The following KRT9 variants were observed in gnomAD, a reference collection of about 807,000 sequenced individuals.
KRT9 encodes the protein keratin 9.
Under a neutral mutation model 51.4 loss-of-function variants are expected in KRT9, and 34 were observed. The observed-to-expected ratio is 0.66, with a 90% CI of 0.50 to 0.88. The LOEUF (loss-of-function observed/expected upper bound fraction) is 0.88. KRT9 is among the 40% of genes least tolerant of loss of function. The pLI is 0.00. For synonymous variants in KRT9, 292 were observed against 289.7 expected (o/e 1.01, Z -0.08); for missense variants, 753 against 790.3 (o/e 0.95, Z 0.57).
At chr17:41,566,455 A>G (rs973563505) in intron 7 of KRT9, among the ~76,000 whole-genome samples, 1 of 152,240 alleles carries the variant, frequency 6.6e-6, no homozygotes, top group East Asian at 1.9e-4. Context: ...GAGGCAAAAG[A>G]TGGCCCCAGC....
intron 1 of KRT9, 151 bp from the exon 2 acceptor site, chr17:41,570,371 C>T (rs1225955786): frequency 2.7e-6 from 2 of 740,724 alleles, no homozygotes; most frequent in African/African-American, 3.5e-5. Flanking sequence ...ATGGCACAGA[C>T]CCCTTCCAGC....
chr17:41,567,438 CCCACTTCCTCCTCCAGAG>C lies in KRT9; in HGVS notation c.1689_1706del (p.Ser564_Gly569del). Reference sequence around the variant, plus strand: ...ACCCACTTCCTCCACCATAGCCACCCCCACTTCCTCCTCCAGAGCCACTTCCTCCTCCATAGTTGCCCC... The same window carrying C: ...ACCCACTTCCTCCACCATAGCCACCCCCACTTCCTCCTCCATAGTTGCCCC... On this transcript the variant is annotated inframe_deletion, in exon 7 of 8. Transcript: ENST00000246662. 1 of 1,527,956 alleles carries C rather than the reference CCCACTTCCTCCTCCAGAG, an allele frequency of 6.5e-7. No individual in the cohort carries two copies. Among genetic ancestry groups the C allele is most frequent in the South Asian group, 1.2e-5 (1 of 84,724 alleles). The allele number at this position is 1,527,956 out of a possible 1,614,324, so 94.6% of individuals were successfully genotyped here. A position where few individuals can be genotyped will look rare whatever the true frequency, so the allele number is the denominator to read the frequency against.
At chr17:41,568,455 C>T in intron 5 of KRT9, 53 bp downstream of exon 5, 2 of 1,614,140 alleles carry the variant, frequency 1.2e-6, no homozygotes, top group Non-Finnish European at 1.7e-6. Context: ...TCCTGGGCTG[C>T]AAAGACTTCC....
At chr17:41,569,733 G>T in intron 3 of KRT9, 126 bp downstream of exon 3, 1 of 1,478,590 alleles carries the variant, frequency 6.8e-7, no homozygotes, top group Non-Finnish European at 9.4e-7. Context: ...ATGCCAAGGA[G>T]AAGTTGAAAG....
Position 41,569,850 on chromosome 17 carries a change from G to C in KRT9, c.882+9C>G. 6.2e-7 allele frequency: 1 copy of C among 1,614,036 alleles called. No homozygotes were observed. The stretch of plus-strand genomic sequence containing the variant: ...TCTTCCCGGTAAGCCATAAGCCCCA[G>C]CAACCTACCTCCTTATGATTCTTCT... On this transcript the variant is annotated intron_variant, in intron 3 of 7. Coordinates refer to ENST00000246662, the MANE Select transcript of KRT9 (RefSeq NM_000226.4).
At chr17:41,567,847 T>A in intron 6 of KRT9, 97 bp from the exon 7 acceptor site, 1 of 1,581,468 alleles carries the variant, frequency 6.3e-7, no homozygotes. Context: ...ACATGAATCT[T>A]TCTGTTTTCC....
rs1436465189 is a variant in KRT9 at position 41,568,207 on chromosome 17, TC to T, written c.1348del (p.Glu450LysfsTer?). On this transcript the variant is annotated frameshift_variant, in exon 6 of 8. Coordinates refer to ENST00000246662, the MANE Select transcript of KRT9 (RefSeq NM_000226.4). LOFTEE classifies it high-confidence loss of function. ...LLSIKMRLEK[E>X]IETYHNLLEG... ...AAGGAGGTTGTGGTAGGTCTCGATT[TC>T]CTTCTCCAGCCGCATCTTAATGCTG... The T allele has an allele frequency of 6.2e-7, 1 of 1,614,084 alleles. No individual in the cohort carries two copies. Among genetic ancestry groups the T allele is most frequent in the South Asian group, 1.1e-5 (1 of 91,074 alleles).
chr17:41,567,399 A>G lies in KRT9; in HGVS notation c.1746T>C (p.Ser582=), dbSNP rs1413725186. The G allele has an allele frequency of 1.3e-6, 2 of 1,590,402 alleles. No homozygotes were observed. Among genetic ancestry groups the G allele is most frequent in the East Asian group, 2.3e-5 (1 of 43,514 alleles). The stretch of plus-strand genomic sequence containing the variant: ...CACTTCCTCCACCATGGCTGCCTCC[A>G]CTTCCTCCCCTGGACCCACTTCCTC... ...YGGGSGSRGG[S]GGSHGGGSGF... Residue 582 remains serine, a synonymous_variant, in exon 7 of 8, where the codon AGT becomes AGC. Coordinates refer to ENST00000246662, the MANE Select transcript of KRT9 (RefSeq NM_000226.4).
intron 6 of KRT9, 93 bp from the exon 7 acceptor site, chr17:41,567,843 ATCTT>A (rs1338507750): frequency 6.3e-7 from 1 of 1,584,660 alleles, no homozygotes; most frequent in African/African-American, 1.4e-5. Flanking sequence ...CCAAACATGA[ATCTT>A]TCTGTTTTCC....
Position 41,568,294 on chromosome 17 carries a change from G to A in KRT9, c.1262C>T (p.Ala421Val). 2.5e-6 allele frequency: 4 copies of A among 1,614,164 alleles called. No homozygotes were observed. Among genetic ancestry groups the A allele is most frequent in the Admixed American group, 1.7e-5 (1 of 60,020 alleles). ...MIQEQISNLE[A>V]QITDVRQEIE... ...CTCTTGCCGGACGTCAGTGATCTGG[G>A]CCTCCAAGTTACTGATCTGCTCCTG... Residue 421 changes from alanine (A) to valine (V), a missense_variant, in exon 6 of 8, where the codon GCC becomes GTC. By Grantham distance (64) the Ala-to-Val change is moderately conservative. Transcript: ENST00000246662.
chr17:41,571,703 A>C lies in KRT9; in HGVS notation c.290T>G (p.Phe97Cys). The C allele has an allele frequency of 3.1e-6, 5 of 1,608,852 alleles. No homozygotes were observed. Among genetic ancestry groups the C allele is most frequent in the Non-Finnish European group, 4.2e-6 (5 of 1,177,702 alleles). Residue 97 changes from phenylalanine (F) to cysteine (C), a missense_variant, in exon 1 of 8, where the codon TTT becomes TGT. Phe to Cys is a radical substitution (Grantham distance 205). Coordinates refer to ENST00000246662, the MANE Select transcript of KRT9 (RefSeq NM_000226.4). The stretch of plus-strand genomic sequence containing the variant: ...ATAGCCTCCTCCAGAAGCACCACCA[A>C]AACCTCTGGAACCACCCCCAAAGCC... The part of the protein sequence containing the change: ...GGGFGGGSRG[F>C]GGASGGGYSS...
chr17:41,570,249 T>A, intron 1 of KRT9, 29 bp from the exon 2 acceptor site: 1 of 1,594,862 alleles, frequency 6.3e-7, no homozygotes, highest in Non-Finnish European at 8.6e-7. Flanking sequence ...AGCCATGATA[T>A]CATGCTGTGG....
At chr17:41,568,955 CAG>C (rs1555570869) in intron 4 of KRT9, among the ~76,000 whole-genome samples, 2 of 143,778 alleles carry the variant, frequency 1.4e-5, no homozygotes, top group Non-Finnish European at 1.5e-5. Flanking sequence ...CACACACACA[CAG>C]CACAGACCAT....
At position 41,570,034 on chromosome 17, in the gene KRT9, T is replaced by A; in HGVS notation, c.726-19A>T. ...CTCAAACCTGCAGACCAGCCAGGGT[T>A]AGAAAACAATCAAGAGGGAACCAGG... On this transcript the variant is annotated intron_variant, in intron 2 of 7. Transcript: ENST00000246662. 6.2e-7 allele frequency: 1 copy of A among 1,614,132 alleles called. No homozygotes were observed. Among genetic ancestry groups the A allele is most frequent in the Non-Finnish European group, 8.5e-7 (1 of 1,180,034 alleles).
chr17:41,570,104 G>C (rs1483977191), intron 2 of KRT9, 34 bp downstream of exon 2: 3 of 1,612,094 alleles, frequency 1.9e-6, no homozygotes, highest in African/African-American at 2.7e-5. Context: ...GGTAAGGGCT[G>C]ATGACAGGAG....
intron 5 of KRT9, 43 bp downstream of exon 5, chr17:41,568,465 C>T (rs1256853728): frequency 1.2e-6 from 2 of 1,614,026 alleles, no homozygotes; most frequent in Non-Finnish European, 1.7e-6. Flanking sequence ...CAAAGACTTC[C>T]TGTGCCCCAC....
At position 41,568,548 on chromosome 17, in the gene KRT9, A is replaced by G; in HGVS notation, c.1130T>C (p.Val377Ala). Residue 377 changes from valine to alanine, a missense_variant, in exon 5 of 8, where the codon GTC becomes GCC. Around this residue, in one of 3 missense-constraint regions of KRT9, gnomAD observed 507 missense variants for 563.7 expected, o/e 0.90. Transcript: ENST00000246662. ...AKEVTQLRHG[V>A]QELEIELQSQ... Reference sequence around the variant, plus strand: ...CTGCAGCTCAATCTCCAACTCCTGGACACCGTGCCGGAGCTGGGTCACCTC... The same window carrying G: ...CTGCAGCTCAATCTCCAACTCCTGGGCACCGTGCCGGAGCTGGGTCACCTC... The G allele has an allele frequency of 6.2e-7, 1 of 1,613,664 alleles. No homozygotes were observed. Among genetic ancestry groups the G allele is most frequent in the Non-Finnish European group, 8.5e-7 (1 of 1,179,590 alleles).
intron 1 of KRT9, among the ~76,000 whole-genome samples, chr17:41,570,636 T>C (rs1216452305): frequency 6.6e-6 from 1 of 152,128 alleles, no homozygotes; most frequent in Non-Finnish European, 1.5e-5. Context: ...ATGGCTAAGA[T>C]GTAACATTAA....
chr17:41,568,591 C>T lies in KRT9; in HGVS notation c.1087G>A (p.Val363Met), dbSNP rs1567731862. The T allele has an allele frequency of 6.2e-7, 1 of 1,614,158 alleles. No individual in the cohort carries two copies. The highest frequency in any genetic ancestry group is 1.7e-5 in the Admixed American group (1 of 60,028). The change falls in exon 5 of 8, where the codon GTG becomes ATG. Residue 363 changes from valine (V) to methionine (M), a missense_variant. Coordinates refer to ENST00000246662, the MANE Select transcript of KRT9 (RefSeq NM_000226.4). ...EHEVSSSGQEVQSSAKEVTQL... is the reference protein window; with the variant it reads ...EHEVSSSGQEMQSSAKEVTQL... ...GTCACCTCCTTGGCACTGGACTGCA[C>T]CTCCTGACCACTACTGGATACCTCA...
Sources: gnomAD v4.1 joint callset for allele counts (sites outside exome capture counted in the v4.1 genomes callset) on GRCh38, gnomAD v4.1.1 for gene constraint, gnomAD v4.1.1 regional missense constraint, MANE v1.5 for transcripts, NCBI Gene and HGNC (gene_info 2026-07-23, HGNC 2026-07-21) for gene names.